Variants in MRPL14 observed in about 807,000 individuals in gnomAD.
The protein encoded by MRPL14 is large ribosomal subunit protein uL14m.
MRPL14 carries 8 observed loss-of-function variants against 10.9 expected under a neutral mutation model. That is an observed-to-expected ratio of 0.74 (90% CI 0.43 to 1.33). The LOEUF (loss-of-function observed/expected upper bound fraction) is 1.33. Ranked by LOEUF, MRPL14 falls within the 40% of genes most tolerant of loss-of-function variation. The pLI is 0.01. For synonymous variants in MRPL14, 82 were observed against 74.1 expected (o/e 1.11, Z -0.54); for missense variants, 179 against 194.5 (o/e 0.92, Z 0.47).
intron 1 of MRPL14, among the ~76,000 whole-genome samples, chr6:44,119,440 A>G (rs1355897018): frequency 6.6e-6 from 1 of 152,060 alleles, no homozygotes; most frequent in Non-Finnish European, 1.5e-5. Flanking sequence ...AGACAGGAGA[A>G]TCACTTGAAC....
chr6:44,122,013 T>C (rs1260116779), intron 1 of MRPL14, among the ~76,000 whole-genome samples: 2 of 151,206 alleles, frequency 1.3e-5, no homozygotes, highest in African/African-American at 4.9e-5. Flanking sequence ...GGGTTGGTGG[T>C]TTTTCCTGTG....
At chr6:44,117,231 G>GT (rs1269675874) in intron 1 of MRPL14, among the ~76,000 whole-genome samples, 24 of 140,310 alleles carry the variant, frequency 1.7e-4, no homozygotes, top group African/African-American at 6.3e-4. Flanking sequence ...CCCAAACACT[G>GT]TAACATGGAA....
intron 2 of MRPL14, among the ~76,000 whole-genome samples, chr6:44,116,129 T>C (rs1478539181): frequency 6.6e-6 from 1 of 152,238 alleles, no homozygotes; most frequent in Non-Finnish European, 1.5e-5. Flanking sequence ...TGGCTTAGCA[T>C]CTACAAGGAG....
rs1775556420 is a variant in MRPL14, at chr6:44,113,687, A to C, written c.*156T>G. 1 of 768,434 alleles carries C rather than the reference A, an allele frequency of 1.3e-6. No individual in the cohort carries two copies. Among genetic ancestry groups the C allele is most frequent in the African/African-American group, 1.8e-5 (1 of 57,072 alleles). The allele number at this position is 768,434 out of a possible 1,614,324, so 47.6% of individuals were successfully genotyped here. On this transcript the variant is annotated 3_prime_UTR_variant, in exon 3 of 3. Coordinates refer to ENST00000372014, the MANE Select transcript of MRPL14 (RefSeq NM_032111.4). ...TCCCACATCCCAGAAAGCTCTGGAA[A>C]AACACATAAATGAATACATTTATTC...
intron 2 of MRPL14, among the ~76,000 whole-genome samples, chr6:44,116,146 G>A (rs1483826978): frequency 6.6e-6 from 1 of 152,230 alleles, no homozygotes; most frequent in Non-Finnish European, 1.5e-5. Context: ...GGAGGGGAGG[G>A]TGTCACACTT....
rs373870839 is a variant in MRPL14 at position 44,113,889 on chromosome 6, T to A, written c.392A>T (p.Glu131Val). ...GGCCAGCACCTTGGAATACTCGCCTTCCCGCTTGCGCAGGCTGGTGGGGAT... is the reference window on the plus strand; with the variant it reads ...GGCCAGCACCTTGGAATACTCGCCTACCCGCTTGCGCAGGCTGGTGGGGAT... ...TPIPTSLRKR[E>V]GEYSKVLAIA... Residue 131 changes from glutamate (E) to valine (V), a missense_variant, in exon 3 of 3, where the codon GAA becomes GTA. Glu to Val is a moderately radical substitution (Grantham distance 121). Transcript: ENST00000372014. 41 of 1,598,180 alleles carry A rather than the reference T, an allele frequency of 2.6e-5. No individual in the cohort carries two copies. The South Asian group carries it at 2.7e-4, about 10-fold the overall frequency.
chr6:44,115,614 C>CT (rs1274276502), intron 2 of MRPL14, among the ~76,000 whole-genome samples: 1 of 152,206 alleles, frequency 6.6e-6, no homozygotes, highest in African/African-American at 2.4e-5. Context: ...TTGCACTTCA[C>CT]TTTGCCAACA....
intron 2 of MRPL14, among the ~76,000 whole-genome samples, chr6:44,114,707 C>T (rs1004632895): frequency 1.3e-5 from 2 of 152,208 alleles, no homozygotes; most frequent in African/African-American, 4.8e-5. Flanking sequence ...CTCCCGGGTT[C>T]ACACCATTCT....
intron 1 of MRPL14, among the ~76,000 whole-genome samples, chr6:44,121,836 G>A (rs780305437): frequency 6.6e-5 from 10 of 151,920 alleles, no homozygotes; most frequent in Admixed American, 1.3e-4. Context: ...GCTACAGCCC[G>A]GCTGAGGCAG....
chr6:44,117,840 G>GGTTTTT (rs1250385139), intron 1 of MRPL14, among the ~76,000 whole-genome samples: 7 of 75,344 alleles, frequency 9.3e-5, no homozygotes, highest in African/African-American at 3.7e-4. Flanking sequence ...AATTTTTTGT[G>GGTTTTT]TTTTTTTTTT....
chr6:44,124,410 T>C (rs938442515), intron 1 of MRPL14, among the ~76,000 whole-genome samples: 11 of 152,244 alleles, frequency 7.2e-5, no homozygotes, highest in African/African-American at 2.7e-4. Context: ...ATCATTTTAA[T>C]GTGGACAATC....
At chr6:44,117,811 T>C (rs1775994233) in intron 1 of MRPL14, among the ~76,000 whole-genome samples, 1 of 150,008 alleles carries the variant, frequency 6.7e-6, no homozygotes, top group Non-Finnish European at 1.5e-5. Flanking sequence ...ACCACAGACA[T>C]GCACCAGGAC....
intron 1 of MRPL14, among the ~76,000 whole-genome samples, chr6:44,125,852 C>G (rs1428365746): frequency 6.6e-6 from 1 of 152,226 alleles, no homozygotes; most frequent in Admixed American, 6.5e-5. Flanking sequence ...TACAAAGACC[C>G]TTCCCACCAA....
chr6:44,121,731 G>A (rs796674293), intron 1 of MRPL14, among the ~76,000 whole-genome samples: 44 of 152,346 alleles, frequency 2.9e-4, no homozygotes, highest in African/African-American at 1.1e-3. Flanking sequence ...CCTGAGGTCA[G>A]GAGTTTCAGA....
At position 44,114,136 on chromosome 6, in the gene MRPL14, T is replaced by A; in HGVS notation, c.145A>T (p.Ser49Cys). 7 of 1,614,180 alleles carry A rather than the reference T, an allele frequency of 4.3e-6. No individual in the cohort carries two copies. Among genetic ancestry groups the A allele is most frequent in the Non-Finnish European group, 5.9e-6 (7 of 1,180,012 alleles). ...CAGCGAGGAGCCCGATGGTATGGGC[T>A]GTTCCCCAGGGCACTGTTGTCCACC... ...RVVDNSALGN[S>C]PYHRAPRCIH... Residue 49 changes from serine to cysteine, a missense_variant, in exon 3 of 3, where the codon AGC (serine) becomes TGC (cysteine). Transcript: ENST00000372014.
chr6:44,119,640 GT>G (rs1425122773), intron 1 of MRPL14, among the ~76,000 whole-genome samples: 1 of 152,140 alleles, frequency 6.6e-6, no homozygotes, highest in Non-Finnish European at 1.5e-5. Flanking sequence ...TTCACTTTAA[GT>G]TTTGAAGACA....
Position 44,113,933 on chromosome 6 carries a change from C to A in MRPL14, c.348G>T (p.Gly116=). Residue 116 remains glycine (G), a synonymous_variant, in exon 3 of 3, where the codon GGG becomes GGT. Transcript: ENST00000372014. ...TGGGGATGGGTGTCTTAATTCGTGT[C>A]CCCACAGGGTTCCCGTTGTCCTCAA... ...VLIEDNGNPV[G]TRIKTPIPTS... 6.2e-7 allele frequency: 1 copy of A among 1,612,670 alleles called. No homozygotes were observed. The highest frequency in any genetic ancestry group is 8.5e-7 in the Non-Finnish European group (1 of 1,178,766).
intron 1 of MRPL14, among the ~76,000 whole-genome samples, chr6:44,124,599 T>A (rs1776753869): frequency 6.6e-6 from 1 of 152,240 alleles, no homozygotes; most frequent in Non-Finnish European, 1.5e-5. Flanking sequence ...TTCCTCTCTT[T>A]TCTAAGACAT....
chr6:44,126,953 T>A (rs376456280), intron 1 of MRPL14: 1 of 152,026 alleles, frequency 6.6e-6, no homozygotes, highest in African/African-American at 2.4e-5. Context: ...CAGACCTAAG[T>A]TGGGAAAGGG....
Sources: gnomAD v4.1 joint callset for allele counts (sites outside exome capture counted in the v4.1 genomes callset) on GRCh38, gnomAD v4.1.1 for gene constraint, MANE v1.5 for transcripts, NCBI Gene and HGNC (gene_info 2026-07-23, HGNC 2026-07-21) for gene names.